TNXB: variants seen among roughly 807,000 people sequenced by gnomAD.
TNXB encodes tenascin-X.
In TNXB, 183 loss-of-function variants were observed where a neutral mutation model predicts 340.5. The ratio of observed to expected loss-of-function variants is 0.54; its 90% CI spans 0.48 to 0.61. TNXB has a LOEUF of 0.61. Ranked by LOEUF, TNXB falls within the 20% of genes least tolerant of loss-of-function variation. The pLI is 0.00. For missense variants in TNXB, 4,613 were observed against 5,446.4 expected, an observed-to-expected ratio of 0.85 and a Z score of 4.82; for synonymous variants, 2,121 against 2,314.5, an observed-to-expected ratio of 0.92 and a Z score of 2.40.
In TNXB at chr6:32,072,601, G is replaced by C. The variant is rs543530740; in HGVS notation, c.4682-303C>G. Among the ~76,000 whole-genome samples, 1 of 152,090 alleles carries C rather than the reference G, an allele frequency of 6.6e-6. No homozygotes were observed. Among genetic ancestry groups the C allele is most frequent in the African/African-American group, 2.4e-5 (1 of 41,404 alleles). On this transcript the variant is annotated intron_variant, in intron 12 of 43. Transcript: ENST00000644971. This position sits in a 1 kb window ranked among gnomAD's most constrained non-coding sequence, Gnocchi z 4.4. ...TTCTAAATTTTGTAGTTTAGTAAAC[G>C]CGCCACCAAGTCCTGTTATTTAATG...
At chr6:32,056,956 C>T in intron 22 of TNXB, 53 bp from the exon 23 acceptor site, 2 of 1,594,214 alleles carry the variant, frequency 1.3e-6, no homozygotes, top group South Asian at 2.2e-5. Context: ...CTCCTCAGTT[C>T]AGCATAGAAA....
rs1487706318 is a variant in TNXB, at chr6:32,097,254, C to T, written c.599G>A (p.Gly200Asp). 1 of 1,611,110 alleles carries T rather than the reference C, an allele frequency of 6.2e-7. No homozygotes were observed. The highest frequency in any genetic ancestry group is 2.2e-5 in the East Asian group (1 of 44,796). The change falls in exon 3 of 44, where the codon GGT (glycine) becomes GAT (aspartate). Residue 200 changes from glycine (G) to aspartate (D), a missense_variant. Physicochemically the swap from Gly to Asp is moderately conservative, Grantham distance 94. Transcript: ENST00000644971. The surrounding 1 kb of genome is among the most constrained non-coding windows in gnomAD (Gnocchi z 5.9). The stretch of plus-strand genomic sequence containing the variant: ...GTAGCCGGGAAAGCACACGCAACGA[C>T]CACGGACACAGCGACCCTGATCATT... ...DCNDQGRCVR[G>D]RCVCFPGYTG...
rs1025692676 is a variant in TNXB, at chr6:32,064,414, A to G, written c.6841+407T>C. ...TTTTAGTAGAGATGGGGGTTTCATG[A>G]TGTTGGCCAGGCTGGTCTCGAACTC... On this transcript the variant is annotated intron_variant, in intron 19 of 43. Transcript: ENST00000644971. This position sits in a 1 kb window ranked among gnomAD's most constrained non-coding sequence, Gnocchi z 5.3. Among the ~76,000 whole-genome samples the G allele has an allele frequency of 6.6e-6, 1 of 152,038 alleles. No individual in the cohort carries two copies. The highest frequency in any genetic ancestry group is 1.5e-5 in the Non-Finnish European group (1 of 67,998).
rs138558351 is a variant in TNXB, at chr6:32,043,821, G to A, written c.11458C>T (p.Arg3820Cys). 85 of 1,613,444 alleles carry A rather than the reference G, an allele frequency of 5.3e-5. No homozygotes were observed. The highest frequency in any genetic ancestry group is 2.5e-4 in the Admixed American group (15 of 60,006). Residue 3820 changes from arginine to cysteine, a missense_variant, in exon 35 of 44, where the codon CGC (arginine) becomes TGC (cysteine). This residue lies in a region of TNXB where 114 missense variants were observed against 104.5 expected (regional missense o/e 1.09). Coordinates refer to ENST00000644971, the MANE Select transcript of TNXB (RefSeq NM_001365276.2). Reference protein sequence around the residue: ...QKLQGLIPGARYEVTVVSVRG... With the variant: ...QKLQGLIPGACYEVTVVSVRG... ...ACCGAGACCACGGTCACCTCATAGC[G>A]AGCGCCTGGGATCAGCCCCTGGAGT...
At position 32,048,415 on chromosome 6, in the gene TNXB, A is replaced by G; in HGVS notation, c.9993T>C (p.Phe3331=). The G allele has an allele frequency of 1.1e-5, 17 of 1,546,442 alleles. No individual in the cohort carries two copies. The highest frequency in any genetic ancestry group is 1.5e-5 in the Non-Finnish European group (17 of 1,141,150). ...CGTGGCGTTTCCCATTCTGGAGTCC[A>G]AAGAGCAGGAACTTGTACTTGCGGG... ...DPARKYKFLL[F]GLQNGKRHGP... Residue 3331 remains phenylalanine (F), a synonymous_variant, in exon 29 of 44, where the codon TTT becomes TTC. Transcript: ENST00000644971.
chr6:32,073,734 G>T lies in TNXB; in HGVS notation c.4594C>A (p.Leu1532Met). 6.2e-7 allele frequency: 1 copy of T among 1,612,394 alleles called. No individual in the cohort carries two copies. The highest frequency in any genetic ancestry group is 8.5e-7 in the Non-Finnish European group (1 of 1,179,588). ...ADQREVTVYN[L>M]EPERKYKMNM... ...ATCTTATATTTTCTCTCAGGCTCCA[G>T]GTTGTAGACTGTGACCTCTCGCTGG... Residue 1532 changes from leucine to methionine, a missense_variant, in exon 12 of 44, where the codon CTG becomes ATG. Leu to Met is a conservative substitution (Grantham distance 15). Around this residue, in one of 7 missense-constraint regions of TNXB, gnomAD observed 4,327 missense variants for 4,859.4 expected, o/e 0.89. Coordinates refer to ENST00000644971, the MANE Select transcript of TNXB (RefSeq NM_001365276.2). This position sits in a 1 kb window ranked among gnomAD's most constrained non-coding sequence, Gnocchi z 4.6.
Position 32,089,154 on chromosome 6 carries a change from G to A in TNXB, c.2515+69C>T, listed in dbSNP as rs576752307. The A allele has an allele frequency of 1.5e-5, 24 of 1,564,554 alleles. No homozygotes were observed. Among genetic ancestry groups the A allele is most frequent in the African/African-American group, 9.5e-5 (7 of 73,660 alleles). On this transcript the variant is annotated intron_variant, in intron 5 of 43. Transcript: ENST00000644971. This position sits in a 1 kb window ranked among gnomAD's most constrained non-coding sequence, Gnocchi z 6.2. ...TCCAGCCCCTTCCTTCTGCCCTCCC[G>A]GAGGGCAGATTCCCTCTCTAGTCCA...
rs1248674038 is a variant in TNXB, at chr6:32,080,149, C to T, written c.4043-784G>A. On this transcript the variant is annotated intron_variant, in intron 10 of 43. Coordinates refer to ENST00000644971, the MANE Select transcript of TNXB (RefSeq NM_001365276.2). This position sits in a 1 kb window ranked among gnomAD's most constrained non-coding sequence, Gnocchi z 4.3. Reference sequence around the variant, plus strand: ...AGAGAGTCAGGGAGAAATTGCAGCTCACTCTGAAAATGCTTTGCTGCTCCA... The same window carrying T: ...AGAGAGTCAGGGAGAAATTGCAGCTTACTCTGAAAATGCTTTGCTGCTCCA... Among the ~76,000 whole-genome samples the T allele has an allele frequency of 2.6e-5, 4 of 152,214 alleles. 1 individual carries two copies. In the East Asian group the frequency reaches 5.8e-4, roughly 22 times the overall value.
chr6:32,056,244 G>A (rs2151901056), intron 23 of TNXB, 70 bp from the exon 24 acceptor site: 1 of 1,534,574 alleles, frequency 6.5e-7, no homozygotes. Flanking sequence ...AGGGAAGGAG[G>A]GAGAAACCAT....
chr6:32,064,841 A>C lies in TNXB; in HGVS notation c.6821T>G (p.Val2274Gly). ...GFHGGQRVGPVSAVGLTAPGK... is the reference protein window; with the variant it reads ...GFHGGQRVGPGSAVGLTAPGK... ...CTCACCAGTTAAACCAACAGCAGAC[A>C]CGGGGCCCACGCGCTGGCCACCGTG... is the stretch of plus-strand genomic sequence containing the variant. The change falls in exon 19 of 44, where the codon GTG (valine) becomes GGG (glycine). Residue 2274 changes from valine (V) to glycine (G), a missense_variant. Val to Gly is a moderately radical substitution (Grantham distance 109). This residue lies in a region of TNXB where 4,327 missense variants were observed against 4,859.4 expected (regional missense o/e 0.89). Coordinates refer to ENST00000644971, the MANE Select transcript of TNXB (RefSeq NM_001365276.2). This position sits in a 1 kb window ranked among gnomAD's most constrained non-coding sequence, Gnocchi z 5.3. 6.2e-7 allele frequency: 1 copy of C among 1,610,616 alleles called. No homozygotes were observed.
At position 32,082,113 on chromosome 6, in the gene TNXB, T is replaced by A. The variant is rs757169367; in HGVS notation, c.3659A>T (p.Asp1220Val). The A allele has an allele frequency of 1.2e-5, 19 of 1,611,272 alleles. No homozygotes were observed. Among genetic ancestry groups the A allele is most frequent in the Non-Finnish European group, 1.6e-5 (19 of 1,179,016 alleles). The change falls in exon 9 of 44, where the codon GAC becomes GTC. Residue 1220 changes from aspartate to valine, a missense_variant. Coordinates refer to ENST00000644971, the MANE Select transcript of TNXB (RefSeq NM_001365276.2). The surrounding 1 kb of genome is among the most constrained non-coding windows in gnomAD (Gnocchi z 5.0). ...AAACAGAGTGAATCTGTACTTGTGG[T>A]CAGGGTCCAGTGAGGAGACAACAAA... is the stretch of plus-strand genomic sequence containing the variant. ...RSFVVSSLDP[D>V]HKYRFTLFGI...
rs754751090 is a variant in TNXB at position 32,085,965 on chromosome 6, C to T, written c.2933G>A (p.Arg978His). 29 of 1,607,932 alleles carry T rather than the reference C, an allele frequency of 1.8e-5. No individual in the cohort carries two copies. In the Admixed American group the frequency reaches 2.0e-4, roughly 11 times the overall value. Residue 978 changes from arginine to histidine, a missense_variant, in exon 7 of 44, where the codon CGT becomes CAT. Transcript: ENST00000644971. The surrounding 1 kb of genome is among the most constrained non-coding windows in gnomAD (Gnocchi z 6.4). ...GTCAGGCTGGGCGGTCCAGACCACA[C>T]GGAGGCGCCCTGTCTCATCTCTGCC... ...VLGRDETGRL[R>H]VVWTAQPDTF...
In TNXB at chr6:32,046,371, C is replaced by G. The variant is rs1349174020; in HGVS notation, c.10410G>C (p.Thr3470=). The stretch of plus-strand genomic sequence containing the variant: ...AGGAGTCAAAGGGGCCCTGGGCTAC[C>G]GTCCAGGACAGGCGCAGAGAGCTGG... ...ETSSSLRLSW[T]VAQGPFDSFV... Residue 3470 remains threonine, a synonymous_variant, in exon 31 of 44, where the codon ACG becomes ACC. Coordinates refer to ENST00000644971, the MANE Select transcript of TNXB (RefSeq NM_001365276.2). The surrounding 1 kb of genome is among the most constrained non-coding windows in gnomAD (Gnocchi z 6.9). 4.4e-6 allele frequency: 7 copies of G among 1,599,064 alleles called. No homozygotes were observed. The highest frequency in any genetic ancestry group is 1.7e-5 in the Admixed American group (1 of 59,858).
rs1490852189 is a variant in TNXB at position 32,046,680 on chromosome 6, G to A, written c.10325-224C>T. 4 of 466,800 alleles carry A rather than the reference G, an allele frequency of 8.6e-6. No homozygotes were observed. The highest frequency in any genetic ancestry group is 1.5e-5 in the Non-Finnish European group (4 of 263,388). The allele number at this position is 466,800 out of a possible 1,614,324, so 28.9% of individuals were successfully genotyped here. The stretch of plus-strand genomic sequence containing the variant: ...TGCTGCCCAAACTCCTTCCTGCCCC[G>A]CCCCTTCCCTGCTGTGATCGAGGAT... On this transcript the variant is annotated intron_variant, in intron 30 of 43. Coordinates refer to ENST00000644971, the MANE Select transcript of TNXB (RefSeq NM_001365276.2). The surrounding 1 kb of genome is among the most constrained non-coding windows in gnomAD (Gnocchi z 6.9).
chr6:32,056,866 C>T lies in TNXB; in HGVS notation c.7863G>A (p.Met2621Ile), dbSNP rs1425292732. 6.2e-7 allele frequency: 1 copy of T among 1,612,748 alleles called. No homozygotes were observed. The highest frequency in any genetic ancestry group is 8.5e-7 in the Non-Finnish European group (1 of 1,179,738). ...GAGGCTTGATGGGGGGCTCAGGGGTCATGGTAGGCACTGCTTGGGTGGTCT... is the reference window on the plus strand; with the variant it reads ...GAGGCTTGATGGGGGGCTCAGGGGTTATGGTAGGCACTGCTTGGGTGGTCT... ...EAETTQAVPT[M>I]TPEPPIKPRL... The change falls in exon 23 of 44, where the codon ATG becomes ATA. Residue 2621 changes from methionine to isoleucine, a missense_variant. Coordinates refer to ENST00000644971, the MANE Select transcript of TNXB (RefSeq NM_001365276.2).
At position 32,067,904 on chromosome 6, in the gene TNXB, G is replaced by A. The variant is rs766914938; in HGVS notation, c.6301C>T (p.Leu2101=). The change falls in exon 18 of 44, where the codon CTA becomes TTA. Residue 2101 remains leucine (L), a synonymous_variant. Coordinates refer to ENST00000644971, the MANE Select transcript of TNXB (RefSeq NM_001365276.2). The surrounding 1 kb of genome is among the most constrained non-coding windows in gnomAD (Gnocchi z 4.2). The part of the protein sequence containing the change: ...EPAEEPLLGE[L]TVTGSSPDSL... ...TCAGGGGAGGATCCTGTCACTGTTA[G>A]CTCCCCCAGGAGCGGCTCCTCAGCG... 8.7e-6 allele frequency: 14 copies of A among 1,612,588 alleles called. No individual in the cohort carries two copies. Among genetic ancestry groups the A allele is most frequent in the Admixed American group, 1.7e-5 (1 of 59,996 alleles).
rs1271199205 is a variant in TNXB at position 32,062,911 on chromosome 6, C to T, written c.6842-428G>A. On this transcript the variant is annotated intron_variant, in intron 19 of 43. Transcript: ENST00000644971. The surrounding 1 kb of genome is among the most constrained non-coding windows in gnomAD (Gnocchi z 4.3). The stretch of plus-strand genomic sequence containing the variant: ...TTTACTAAAAATACAAAAAATTAGC[C>T]AGGCGTGTTGGCGGGCACCTGTAGT... 6.6e-6 allele frequency among the ~76,000 whole-genome samples: 1 copy of T among 151,626 alleles called. No homozygotes were observed. Among genetic ancestry groups the T allele is most frequent in the African/African-American group, 2.4e-5 (1 of 41,240 alleles).
Position 32,048,389 on chromosome 6 carries a change from C to A in TNXB, c.10019G>T (p.Gly3340Val), listed in dbSNP as rs758157446. The change falls in exon 29 of 44, where the codon GGC becomes GTC. Residue 3340 changes from glycine to valine, a missense_variant. Gly to Val is a moderately radical substitution (Grantham distance 109, BLOSUM62 -3). Coordinates refer to ENST00000644971, the MANE Select transcript of TNXB (RefSeq NM_001365276.2). ...LFGLQNGKRH[G>V]PVPVEARTAP... ...GGTCCTGGCCTCCACAGGGACTGGGCCGTGGCGTTTCCCATTCTGGAGTCC... is the reference window on the plus strand; with the variant it reads ...GGTCCTGGCCTCCACAGGGACTGGGACGTGGCGTTTCCCATTCTGGAGTCC... 2.0e-6 allele frequency: 3 copies of A among 1,523,978 alleles called. No homozygotes were observed. Among genetic ancestry groups the A allele is most frequent in the Non-Finnish European group, 2.7e-6 (3 of 1,130,416 alleles). 94.4% of individuals were successfully genotyped at this position (1,523,978 alleles called of 1,614,324 possible). A position where few individuals can be genotyped will look rare whatever the true frequency, so the allele number is the denominator to read the frequency against.
At chr6:32,105,666 T>C (rs1780942850) in intron 1 of TNXB, among the ~76,000 whole-genome samples, 1 of 152,184 alleles carries the variant, frequency 6.6e-6, no homozygotes, top group Non-Finnish European at 1.5e-5. Context: ...TGGAAGTTGG[T>C]TAGACACAGC....
Sources: gnomAD v4.1 joint callset for allele counts (sites outside exome capture counted in the v4.1 genomes callset) on GRCh38, gnomAD v4.1.1 for gene constraint, gnomAD v4.1.1 regional missense constraint, Gnocchi (gnomAD v3.1) non-coding constraint, MANE v1.5 for transcripts, NCBI Gene and HGNC (gene_info 2026-07-23, HGNC 2026-07-21) for gene names.